PCSK5: variants seen among roughly 807,000 people sequenced by gnomAD.
PCSK5 encodes proprotein convertase subtilisin/kexin type 5, also known as prohormone convertase 5.
In PCSK5, 129 loss-of-function variants were observed where a neutral mutation model predicts 233.2. The ratio of observed to expected loss-of-function variants is 0.55; its 90% CI spans 0.48 to 0.64. The LOEUF (loss-of-function observed/expected upper bound fraction) is 0.64. Ranked by LOEUF, PCSK5 falls within the 30% of genes least tolerant of loss-of-function variation. The pLI is 0.00. For missense variants in PCSK5, 2,076 were observed against 2,430.1 expected (o/e 0.85, Z 3.06); for synonymous variants, 825 against 879.2 (o/e 0.94, Z 1.09).
rs183602937 is a variant in PCSK5 at position 76,153,411 on chromosome 9, G to T, written c.1313-3634G>T. 3.9e-5 allele frequency among the ~76,000 whole-genome samples: 6 copies of T among 152,204 alleles called. No individual in the cohort carries two copies. In the East Asian group the frequency reaches 7.7e-4, roughly 20 times the overall value. Reference sequence around the variant, plus strand: ...TGAAAAATTCTATTTGAACTGGTCGGGATTCCTGTTCACACCAATGTTAAT... The same window carrying T: ...TGAAAAATTCTATTTGAACTGGTCGTGATTCCTGTTCACACCAATGTTAAT... On this transcript the variant is annotated intron_variant, in intron 10 of 37. Transcript: ENST00000674117.
chr9:76,129,105 T>C (rs1266950064), intron 9 of PCSK5, among the ~76,000 whole-genome samples: 1 of 152,232 alleles, frequency 6.6e-6, no homozygotes, highest in Non-Finnish European at 1.5e-5. Context: ...TGTTTTTACC[T>C]ATCTCAGCAG....
Position 75,891,306 on chromosome 9 carries a change from A to G in PCSK5, c.125A>G (p.Lys42Arg), listed in dbSNP as rs1280710018. Residue 42 changes from lysine (K) to arginine (R), a missense_variant, in exon 1 of 38, where the codon AAA (lysine) becomes AGA (arginine). By Grantham distance (26) the Lys-to-Arg change is conservative. Transcript: ENST00000674117. ...GTCTACACCAACCACTGGGCAGTCA[A>G]AATCGCCGGGGGCTTCCCGGAGGCC... ...TRVYTNHWAV[K>R]IAGGFPEANR... The G allele has an allele frequency of 3.2e-6, 5 of 1,558,382 alleles. No individual in the cohort carries two copies. In the East Asian group the frequency reaches 1.0e-4, roughly 32 times the overall value.
chr9:76,326,577 A>G lies in PCSK5; in HGVS notation c.4340-1432A>G, dbSNP rs1359114862. ...GGTCCTGGGCTCAACTCCTGATACT[A>G]CTTAGCGTAAGTGACTTAGCATCTC... On this transcript the variant is annotated intron_variant, in intron 32 of 37. Transcript: ENST00000674117. 3.3e-5 allele frequency among the ~76,000 whole-genome samples: 5 copies of G among 152,284 alleles called. No individual in the cohort carries two copies. In the East Asian group the frequency reaches 5.8e-4, roughly 18 times the overall value.
chr9:76,008,650 C>A lies in PCSK5; in HGVS notation c.412-15088C>A, dbSNP rs144104658. On this transcript the variant is annotated intron_variant, in intron 3 of 37. Transcript: ENST00000674117. ...CTAATTTTTGTATTTTTAGTAGAGA[C>A]AGGGTTTCACTGTGTTGGCCAGGAT... Among the ~76,000 whole-genome samples, 422 of 152,114 alleles carry A rather than the reference C, an allele frequency of 2.8e-3. 4 individuals are homozygous for A. The highest frequency in any genetic ancestry group is 9.6e-3 in the African/African-American group (399 of 41,500).
intron 24 of PCSK5, among the ~76,000 whole-genome samples, chr9:76,279,608 A>G (rs1249836898): frequency 6.6e-6 from 1 of 151,398 alleles, no homozygotes; most frequent in Non-Finnish European, 1.5e-5. Flanking sequence ...TGCCATTCTA[A>G]CTGGTGTGAG....
intron 8 of PCSK5, among the ~76,000 whole-genome samples, chr9:76,101,269 A>G (rs1831745146): frequency 6.6e-6 from 1 of 152,216 alleles, no homozygotes; most frequent in Non-Finnish European, 1.5e-5. Context: ...AGTTGTTTAT[A>G]TAGCTGCAGG....
At chr9:76,188,824 AT>A in intron 18 of PCSK5, 149 bp downstream of exon 18, 1 of 657,570 alleles carries the variant, frequency 1.5e-6, no homozygotes. Flanking sequence ...GTGTATTCTC[AT>A]TGAAAGTCAA....
At chr9:76,248,696 A>G (rs1181771734) in intron 24 of PCSK5, among the ~76,000 whole-genome samples, 1 of 152,254 alleles carries the variant, frequency 6.6e-6, no homozygotes, top group African/African-American at 2.4e-5. Flanking sequence ...GTTATTATAC[A>G]TAACATCACT....
intron 5 of PCSK5, among the ~76,000 whole-genome samples, chr9:76,047,643 T>C (rs1262074547): frequency 1.3e-5 from 2 of 152,150 alleles, no homozygotes; most frequent in South Asian, 2.1e-4. Context: ...TATTCTCTTA[T>C]TTAATCTACA....
At chr9:76,060,913 T>C (rs1275060501) in intron 5 of PCSK5, among the ~76,000 whole-genome samples, 2 of 152,230 alleles carry the variant, frequency 1.3e-5, no homozygotes, top group Non-Finnish European at 2.9e-5. Context: ...TAAAGACTCA[T>C]TGAAAGTCTA....
chr9:75,984,867 A>G (rs1002801116), intron 2 of PCSK5, among the ~76,000 whole-genome samples: 7 of 152,174 alleles, frequency 4.6e-5, no homozygotes, highest in African/African-American at 9.7e-5. Context: ...GTGCAAACCC[A>G]TCCTTGCTGC....
intron 17 of PCSK5, among the ~76,000 whole-genome samples, chr9:76,185,742 C>A (rs12340316): frequency 0.034 from 5,249 of 152,254 alleles, 185 homozygotes; most frequent in African/African-American, 0.086. Context: ...TGTGGGCTCA[C>A]ATCCTCCTCT....
chr9:76,099,294 T>G (rs1431078184), intron 8 of PCSK5, among the ~76,000 whole-genome samples: 1 of 151,944 alleles, frequency 6.6e-6, no homozygotes, highest in Non-Finnish European at 1.5e-5. Context: ...CCTCATGGAG[T>G]CTTGATTGCC....
At chr9:76,283,494 T>C (rs1028525359) in intron 24 of PCSK5, among the ~76,000 whole-genome samples, 1 of 152,238 alleles carries the variant, frequency 6.6e-6, no homozygotes, top group Non-Finnish European at 1.5e-5. Flanking sequence ...TGTATATTTT[T>C]TAGACATAAT....
At position 76,289,492 on chromosome 9, in the gene PCSK5, CACACACACACACACACACGCAACAT is replaced by C. The variant is rs1486143882; in HGVS notation, c.3143-2722_3143-2698del. 3.8e-5 allele frequency among the ~76,000 whole-genome samples: 5 copies of C among 130,698 alleles called. No individual in the cohort carries two copies. In the East Asian group the frequency reaches 8.2e-4, roughly 22 times the overall value. 85.7% of individuals were successfully genotyped at this position (130,698 alleles called of 152,430 possible). A position where few individuals can be genotyped will look rare whatever the true frequency, so the allele number is the denominator to read the frequency against. On this transcript the variant is annotated intron_variant, in intron 24 of 37. Transcript: ENST00000674117. The stretch of plus-strand genomic sequence containing the variant: ...CACCACACACACACACACACACACA[CACACACACACACACACACGCAACAT>C]ACACACACACACACACACACACACA...
intron 9 of PCSK5, among the ~76,000 whole-genome samples, chr9:76,124,741 A>G (rs1215700160): frequency 5.5e-5 from 5 of 91,316 alleles, no homozygotes; most frequent in Non-Finnish European, 6.5e-5. Flanking sequence ...GCAAGACTCC[A>G]TCTCAAAAAA....
At chr9:76,199,600 T>C (rs1225095851) in intron 20 of PCSK5, among the ~76,000 whole-genome samples, 1 of 152,014 alleles carries the variant, frequency 6.6e-6, no homozygotes, top group African/African-American at 2.4e-5. Context: ...CTATCCTTGG[T>C]GGTGGTCAGG....
intron 24 of PCSK5, among the ~76,000 whole-genome samples, chr9:76,289,097 G>C (rs1188510408): frequency 6.6e-6 from 1 of 152,164 alleles, no homozygotes; most frequent in Non-Finnish European, 1.5e-5. Context: ...ATCATGAAGA[G>C]CTCTCAAGAG....
Position 76,239,498 on chromosome 9 carries a change from C to G in PCSK5, c.3073+333C>G, listed in dbSNP as rs530458984. Among the ~76,000 whole-genome samples, 9 of 152,060 alleles carry G rather than the reference C, an allele frequency of 5.9e-5. No individual in the cohort carries two copies. In the East Asian group the frequency reaches 1.7e-3, roughly 30 times the overall value. ...TCACTTGAGGCCAGGAGTTCGAGAC[C>G]AGCCTGGGGGAACACGGTGAAACTC... On this transcript the variant is annotated intron_variant, in intron 23 of 37. Coordinates refer to ENST00000674117, the MANE Select transcript of PCSK5 (RefSeq NM_001372043.1).
Sources: allele counts gnomAD v4.1 joint callset (sites outside exome capture counted in the v4.1 genomes callset), GRCh38; gene constraint gnomAD v4.1.1; transcripts MANE v1.5; gene names NCBI Gene and HGNC (gene_info 2026-07-23, HGNC 2026-07-21).